The following ANO10 variants were observed in gnomAD, a reference collection of about 807,000 sequenced individuals.
The protein encoded by ANO10 is anoctamin-10.
Under a neutral mutation model 74.7 loss-of-function variants are expected in ANO10, and 77 were observed. The ratio of observed to expected loss-of-function variants is 1.03; its 90% CI spans 0.86 to 1.25. ANO10 has a LOEUF of 1.25. Among genes scored for constraint, ANO10 ranks in the 50% most tolerant of loss-of-function variants. The probability of loss-of-function intolerance (pLI) is 0.00; values close to 1 mark genes in which losing one functional copy is unlikely to be tolerated. For missense variants in ANO10, 721 were observed against 778.1 expected, an observed-to-expected ratio of 0.93 and a Z score of 0.87; for synonymous variants, 279 against 284.9, an observed-to-expected ratio of 0.98 and a Z score of 0.21.
intron 12 of ANO10, among the ~76,000 whole-genome samples, chr3:43,411,600 T>G (rs1399147186): frequency 6.6e-6 from 1 of 152,182 alleles, no homozygotes; most frequent in Admixed American, 6.5e-5. Context: ...AGAGCAGGGC[T>G]GGCAGGAGTC....
At chr3:43,368,745 G>A (rs923429507) in intron 12 of ANO10, among the ~76,000 whole-genome samples, 9 of 151,230 alleles carry the variant, frequency 6.0e-5, no homozygotes, top group African/African-American at 2.2e-4. Context: ...GGAGTGCAGA[G>A]GCGTGATCAC....
chr3:43,508,330 TA>T (rs1480271602), intron 11 of ANO10, among the ~76,000 whole-genome samples: 3 of 152,000 alleles, frequency 2.0e-5, no homozygotes, highest in African/African-American at 7.2e-5. Flanking sequence ...ACTCAACAAC[TA>T]AAAAAATCAT....
intron 12 of ANO10, among the ~76,000 whole-genome samples, chr3:43,382,720 A>G (rs144874428): frequency 6.6e-6 from 1 of 152,318 alleles, no homozygotes; most frequent in Non-Finnish European, 1.5e-5. Context: ...AAGAAATACA[A>G]AAGATCATTC....
intron 10 of ANO10, among the ~76,000 whole-genome samples, chr3:43,550,073 C>T (rs1443437730): frequency 6.6e-6 from 1 of 152,090 alleles, no homozygotes; most frequent in East Asian, 1.9e-4. Flanking sequence ...TATCCCAAAG[C>T]AGTATGTTCT....
In ANO10 at chr3:43,446,937, C is replaced by G. The variant is rs181414989; in HGVS notation, c.1798-14210G>C. Among the ~76,000 whole-genome samples the G allele has an allele frequency of 3.2e-4, 48 of 152,186 alleles. 1 individual carries two copies. Among genetic ancestry groups the G allele is most frequent in the Non-Finnish European group, 2.9e-5 (2 of 68,014 alleles). ...CCCCTGCCCTCATCTTCCCAATGCC[C>G]CACTGTGCCTCCTGCCCACATGTAC... On this transcript the variant is annotated intron_variant, in intron 11 of 12. Coordinates refer to ENST00000292246, the MANE Select transcript of ANO10 (RefSeq NM_018075.5).
At chr3:43,466,703 A>G (rs537985158) in intron 11 of ANO10, among the ~76,000 whole-genome samples, 3 of 152,170 alleles carry the variant, frequency 2.0e-5, no homozygotes, top group Non-Finnish European at 4.4e-5. Context: ...GTAACCAAAG[A>G]TTTTTCTGAC....
intron 7 of ANO10, among the ~76,000 whole-genome samples, chr3:43,573,482 G>C (rs907533478): frequency 2.0e-5 from 3 of 152,140 alleles, no homozygotes; most frequent in Non-Finnish European, 2.9e-5. Context: ...TCTACAGCTA[G>C]AACAGAGATT....
chr3:43,434,584 C>A (rs1408154690), intron 11 of ANO10, among the ~76,000 whole-genome samples: 1 of 152,200 alleles, frequency 6.6e-6, no homozygotes, highest in Non-Finnish European at 1.5e-5. Flanking sequence ...GTCATGGCCC[C>A]TTTCCATCTC....
At chr3:43,376,776 T>G (rs189171883) in intron 12 of ANO10, among the ~76,000 whole-genome samples, 1 of 152,358 alleles carries the variant, frequency 6.6e-6, no homozygotes, top group Admixed American at 6.5e-5. Context: ...GACTTTGGCA[T>G]GGCTCCTTTC....
chr3:43,392,374 T>C (rs1371207640), intron 12 of ANO10, among the ~76,000 whole-genome samples: 1 of 152,232 alleles, frequency 6.6e-6, no homozygotes, highest in Non-Finnish European at 1.5e-5. Context: ...TCTATCCTCT[T>C]GTTTTTAATA....
At chr3:43,412,816 C>A (rs569265347) in intron 12 of ANO10, among the ~76,000 whole-genome samples, 1 of 152,050 alleles carries the variant, frequency 6.6e-6, no homozygotes, top group African/African-American at 2.4e-5. Flanking sequence ...TTTGGGAGGC[C>A]GAGGCAGGAG....
intron 1 of ANO10, among the ~76,000 whole-genome samples, chr3:43,606,391 T>C (rs930858930): frequency 1.1e-4 from 16 of 152,012 alleles, no homozygotes; most frequent in African/African-American, 3.4e-4. Context: ...CCAACTAGGG[T>C]CCCAGATTAC....
At chr3:43,369,628 G>A (rs927549896) in intron 12 of ANO10, among the ~76,000 whole-genome samples, 3 of 152,186 alleles carry the variant, frequency 2.0e-5, no homozygotes, top group Non-Finnish European at 4.4e-5. Flanking sequence ...CCTCCACAGG[G>A]CAGTGGCAGA....
intron 1 of ANO10, among the ~76,000 whole-genome samples, chr3:43,670,447 G>GT (rs1456325204): frequency 1.3e-5 from 2 of 152,030 alleles, no homozygotes; most frequent in African/African-American, 4.8e-5. Context: ...GAATTTGGTG[G>GT]TATTTTTACA....
At chr3:43,673,102 T>G (rs1222152678) in intron 1 of ANO10, among the ~76,000 whole-genome samples, 1 of 152,238 alleles carries the variant, frequency 6.6e-6, no homozygotes, top group Non-Finnish European at 1.5e-5. Context: ...TAGACAATCA[T>G]GACATATTTC....
intron 1 of ANO10, among the ~76,000 whole-genome samples, chr3:43,612,860 G>T (rs546887622): frequency 3.3e-5 from 5 of 152,170 alleles, no homozygotes; most frequent in African/African-American, 1.2e-4. Context: ...CCTTCTAAGT[G>T]AATGTTGGAT....
chr3:43,664,918 A>T (rs2083971066), intron 1 of ANO10, among the ~76,000 whole-genome samples: 1 of 149,046 alleles, frequency 6.7e-6, no homozygotes, highest in South Asian at 2.2e-4. Flanking sequence ...GAATGCTTTT[A>T]CACTGTTGGG....
intron 12 of ANO10, among the ~76,000 whole-genome samples, chr3:43,392,167 A>C (rs1407301070): frequency 1.9e-5 from 2 of 105,824 alleles, no homozygotes; most frequent in African/African-American, 7.6e-5. Context: ...CACTGACTTT[A>C]AAAAAAAATT....
chr3:43,677,303 C>T (rs907553107), intron 1 of ANO10, among the ~76,000 whole-genome samples: 4 of 152,186 alleles, frequency 2.6e-5, no homozygotes, highest in Admixed American at 6.5e-5. Flanking sequence ...AATCCCAGCA[C>T]TTTGGGAGGC....
Sources: allele counts gnomAD v4.1 joint callset (sites outside exome capture counted in the v4.1 genomes callset), GRCh38; gene constraint gnomAD v4.1.1; transcripts MANE v1.5; gene names NCBI Gene and HGNC (gene_info 2026-07-23, HGNC 2026-07-21).